Variants in CACNA1H observed in about 807,000 individuals in gnomAD.
The protein encoded by CACNA1H is voltage-dependent T-type calcium channel subunit alpha-1H.
CACNA1H carries 149 observed loss-of-function variants against 192.5 expected under a neutral mutation model. The observed-to-expected ratio is 0.77, with a 90% CI of 0.68 to 0.89. CACNA1H has a LOEUF of 0.89. Ranked by LOEUF, CACNA1H falls within the 40% of genes least tolerant of loss-of-function variation. The pLI is 0.00. For missense variants in CACNA1H, 4,257 were observed against 3,423.5 expected, an observed-to-expected ratio of 1.24 and a Z score of -6.08; for synonymous variants, 2,202 against 1,475.2, an observed-to-expected ratio of 1.49 and a Z score of -11.29.
intron 27 of CACNA1H, 66 bp downstream of exon 27, chr16:1,213,997 T>G: frequency 7.2e-7 from 1 of 1,397,962 alleles, no homozygotes; most frequent in Non-Finnish European, 9.9e-7. Context: ...GCCAACACAG[T>G]GGGCACAACC....
chr16:1,202,737 G>C lies in CACNA1H; in HGVS notation c.2002+285G>C, dbSNP rs7191246. 0.18 allele frequency among the ~76,000 whole-genome samples: 27,939 copies of C among 152,078 alleles called. 2,964 individuals are homozygous for C. Among genetic ancestry groups the C allele is most frequent in the African/African-American group, 0.29 (12,005 of 41,446 alleles). On this transcript the variant is annotated intron_variant, in intron 9 of 34. Transcript: ENST00000348261. The stretch of plus-strand genomic sequence containing the variant: ...ACAAGGCTTGTCAGACCCTCCTGGG[G>C]CAGCATCCCATTGCCCCTGCCTGGC...
In CACNA1H at chr16:1,202,083, G is replaced by A. The variant is rs902030420; in HGVS notation, c.1633G>A (p.Ala545Thr). 1.2e-5 allele frequency: 18 copies of A among 1,542,046 alleles called. No homozygotes were observed. The highest frequency in any genetic ancestry group is 9.8e-5 in the East Asian group (4 of 40,800). ...SPRRPGPEPG[A>T]CDTRLVRAGA... ...CCGCAGGCCCGGCCCCGAGCCAGGC[G>A]CCTGCGACACCAGGCTGGTCCGAGC... Residue 545 changes from alanine (A) to threonine (T), a missense_variant, in exon 9 of 35, where the codon GCC becomes ACC. Coordinates refer to ENST00000348261, the MANE Select transcript of CACNA1H (RefSeq NM_021098.3).
intron 2 of CACNA1H, among the ~76,000 whole-genome samples, chr16:1,190,182 C>A (rs1966473459): frequency 6.6e-6 from 1 of 152,242 alleles, no homozygotes; most frequent in Admixed American, 6.5e-5. Flanking sequence ...GTTCTGCCGC[C>A]CTGCAGCCAG....
chr16:1,186,707 C>T lies in CACNA1H; in HGVS notation c.300-8265C>T, dbSNP rs568470467. On this transcript the variant is annotated intron_variant, in intron 2 of 34. Coordinates refer to ENST00000348261, the MANE Select transcript of CACNA1H (RefSeq NM_021098.3). Reference sequence around the variant, plus strand: ...TCGGTCCCGATGCCCGTGGCACCACCGCCTCCTCAACGGGTGGCCACGTAA... The same window carrying T: ...TCGGTCCCGATGCCCGTGGCACCACTGCCTCCTCAACGGGTGGCCACGTAA... 4.1e-3 allele frequency among the ~76,000 whole-genome samples: 628 copies of T among 152,308 alleles called. 3 individuals carry two copies. The highest frequency in any genetic ancestry group is 0.014 in the African/African-American group (590 of 41,556).
rs1339420738 is a variant in CACNA1H at position 1,167,286 on chromosome 16, C to T, written c.299+13250C>T. Among the ~76,000 whole-genome samples, 7 of 152,112 alleles carry T rather than the reference C, an allele frequency of 4.6e-5. No homozygotes were observed. Among genetic ancestry groups the T allele is most frequent in the African/African-American group, 7.2e-5 (3 of 41,422 alleles). On this transcript the variant is annotated intron_variant, in intron 2 of 34. Transcript: ENST00000348261. This position sits in a 1 kb window ranked among gnomAD's most constrained non-coding sequence, Gnocchi z 4.2. ...GTCCCGGTGGGTGGGGCTTGCCGGCCGCCCGCGAATGTCAGGAACCTTGGA... is the reference window on the plus strand; with the variant it reads ...GTCCCGGTGGGTGGGGCTTGCCGGCTGCCCGCGAATGTCAGGAACCTTGGA...
intron 2 of CACNA1H, among the ~76,000 whole-genome samples, chr16:1,154,743 TCTA>T (rs1243206969): frequency 5.3e-5 from 8 of 152,158 alleles, no homozygotes; most frequent in South Asian, 2.1e-4. Context: ...GGCAGCCTCT[TCTA>T]CTCTCGGCCA....
At chr16:1,176,019 C>T (rs533753526) in intron 2 of CACNA1H, among the ~76,000 whole-genome samples, 27 of 152,326 alleles carry the variant, frequency 1.8e-4, no homozygotes, top group Non-Finnish European at 3.5e-4. Context: ...GTCCCAACCC[C>T]GTTCGTGGAG....
Position 1,153,742 on chromosome 16 carries a change from C to A in CACNA1H, c.5C>A (p.Thr2Asn), listed in dbSNP as rs1335993092. 8 of 1,209,908 alleles carry A rather than the reference C, an allele frequency of 6.6e-6. No individual in the cohort carries two copies. Among genetic ancestry groups the A allele is most frequent in the Non-Finnish European group, 7.2e-6 (7 of 974,026 alleles). The allele number at this position is 1,209,908 out of a possible 1,614,324, so 74.9% of individuals were successfully genotyped here. A position where few individuals can be genotyped will look rare whatever the true frequency, so the allele number is the denominator to read the frequency against. ...CAGGTGCTGCCGGCCGCCACCATGA[C>A]CGAGGGCGCACGGGCCGCCGACGAG... M[T>N]EGARAADEVR... The change falls in exon 2 of 35, where the codon ACC becomes AAC. Residue 2 changes from threonine (T) to asparagine (N), a missense_variant. Thr to Asn is a moderately conservative substitution (Grantham distance 65, BLOSUM62 0). Transcript: ENST00000348261.
intron 9 of CACNA1H, among the ~76,000 whole-genome samples, chr16:1,203,322 T>C (rs751226471): frequency 2.6e-5 from 4 of 152,170 alleles, no homozygotes; most frequent in Non-Finnish European, 5.9e-5. Flanking sequence ...CATGGTTTGC[T>C]CGCATCGAGT....
At position 1,198,996 on chromosome 16, in the gene CACNA1H, G is replaced by A. The variant is rs12597415; in HGVS notation, c.803+222G>A. On this transcript the variant is annotated intron_variant, in intron 6 of 34. Coordinates refer to ENST00000348261, the MANE Select transcript of CACNA1H (RefSeq NM_021098.3). ...GGCAGTCACCGCCCCACATGGCTCC[G>A]CCCACGGTGCAGTCGCTGCACATAT... 8.7e-4 allele frequency: 426 copies of A among 492,448 alleles called. 5 individuals are homozygous for A. In the East Asian group the frequency reaches 0.011, roughly 13 times the overall value. The allele number at this position is 492,448 out of a possible 1,614,324, so 30.5% of individuals were successfully genotyped here.
chr16:1,218,733 G>T lies in CACNA1H; in HGVS notation c.5887+82G>T, dbSNP rs533034026. The T allele has an allele frequency of 8.7e-5, 116 of 1,333,732 alleles. 2 individuals are homozygous for T. In the South Asian group the frequency reaches 1.6e-3, roughly 18 times the overall value. 82.6% of individuals were successfully genotyped at this position (1,333,732 alleles called of 1,614,324 possible). ...TGGGGGCAGGTGGGAGGGAGGATGG[G>T]GTCAGGCCAGAGCAGGGCAAGAGGA... is the stretch of plus-strand genomic sequence containing the variant. On this transcript the variant is annotated intron_variant, in intron 33 of 34. Coordinates refer to ENST00000348261, the MANE Select transcript of CACNA1H (RefSeq NM_021098.3).
intron 2 of CACNA1H, among the ~76,000 whole-genome samples, chr16:1,176,463 C>T (rs532524807): frequency 2.6e-5 from 4 of 152,366 alleles, no homozygotes; most frequent in East Asian, 1.9e-4. Flanking sequence ...GCTGCCGTCT[C>T]TTTCTGCAGG....
rs1394908847 is a variant in CACNA1H at position 1,153,898 on chromosome 16, C to T, written c.161C>T (p.Pro54Leu). 6 of 1,451,072 alleles carry T rather than the reference C, an allele frequency of 4.1e-6. No individual in the cohort carries two copies. Among genetic ancestry groups the T allele is most frequent in the Admixed American group, 2.4e-5 (1 of 41,318 alleles). 89.9% of individuals were successfully genotyped at this position (1,451,072 alleles called of 1,614,324 possible). ...CTCGGCGTGTCACCCTCCGAGAGCCCGGCGGCCGAGCGCGGCGCGGAGCTG... is the reference window on the plus strand; with the variant it reads ...CTCGGCGTGTCACCCTCCGAGAGCCTGGCGGCCGAGCGCGGCGCGGAGCTG... ...SELGVSPSES[P>L]AAERGAELGA... The change falls in exon 2 of 35, where the codon CCG becomes CTG. Residue 54 changes from proline (P) to leucine (L), a missense_variant. Transcript: ENST00000348261.
intron 2 of CACNA1H, among the ~76,000 whole-genome samples, chr16:1,172,271 C>T (rs886647912): frequency 2.0e-5 from 3 of 152,174 alleles, no homozygotes; most frequent in Non-Finnish European, 4.4e-5. Context: ...CTGGGGCTCC[C>T]CCCACAGTGC....
At chr16:1,160,691 G>T (rs573995896) in intron 2 of CACNA1H, among the ~76,000 whole-genome samples, 1 of 152,180 alleles carries the variant, frequency 6.6e-6, no homozygotes, top group African/African-American at 2.4e-5. Flanking sequence ...TGGCGGGGCC[G>T]TGAGAGCCCC....
At chr16:1,192,509 T>C (rs1232425248) in intron 2 of CACNA1H, among the ~76,000 whole-genome samples, 1 of 152,130 alleles carries the variant, frequency 6.6e-6, no homozygotes. Context: ...CGCCTCAGGG[T>C]CTGGGCCGGG....
At chr16:1,204,564 G>A (rs559471478) in intron 10 of CACNA1H, 106 bp downstream of exon 10, 44 of 861,598 alleles carry the variant, frequency 5.1e-5, no homozygotes, top group East Asian at 5.0e-4. Flanking sequence ...ATGGTAGGAC[G>A]GTCAGGCAGG....
At chr16:1,177,568 G>A (rs979354983) in intron 2 of CACNA1H, among the ~76,000 whole-genome samples, 3 of 152,088 alleles carry the variant, frequency 2.0e-5, no homozygotes, top group Non-Finnish European at 4.4e-5. Context: ...GAAGGGAAGG[G>A]GCCCCCCAGG....
At position 1,200,734 on chromosome 16, in the gene CACNA1H, T is replaced by C; in HGVS notation, c.1138T>C (p.Trp380Arg). The change falls in exon 8 of 35, where the codon TGG (tryptophan) becomes CGG (arginine). Residue 380 changes from tryptophan (W) to arginine (R), a missense_variant. By Grantham distance (101) the Trp-to-Arg change is moderately radical (BLOSUM62 -3). Coordinates refer to ENST00000348261, the MANE Select transcript of CACNA1H (RefSeq NM_021098.3). ...CCCCCAGGTGATCACGCTGGAAGGC[T>C]GGGTGGACATCATGTACTACGTCAT... ...AIFQVITLEG[W>R]VDIMYYVMDA... 1 of 1,561,722 alleles carries C rather than the reference T, an allele frequency of 6.4e-7. No individual in the cohort carries two copies. The highest frequency in any genetic ancestry group is 8.7e-7 in the Non-Finnish European group (1 of 1,152,998).
Sources: allele counts gnomAD v4.1 joint callset (sites outside exome capture counted in the v4.1 genomes callset), GRCh38; gene constraint gnomAD v4.1.1; non-coding constraint Gnocchi (gnomAD v3.1); transcripts MANE v1.5; gene names NCBI Gene and HGNC (gene_info 2026-07-23, HGNC 2026-07-21).